The following ASIC2 variants were observed in gnomAD, a reference collection of about 807,000 sequenced individuals.
ASIC2 encodes the protein acid sensing ion channel subunit 2.
A neutral mutation model predicts 57.3 loss-of-function variants in ASIC2; 25 were observed. The ratio of observed to expected loss-of-function variants is 0.44; its 90% CI spans 0.32 to 0.61. The LOEUF (loss-of-function observed/expected upper bound fraction) is 0.61. Ranked by LOEUF, ASIC2 falls within the 20% of genes least tolerant of loss-of-function variation. The pLI is 0.06. For missense variants in ASIC2, 641 were observed against 738.1 expected (o/e 0.87, Z 1.52); for synonymous variants, 319 against 307.5 (o/e 1.04, Z -0.39).
At chr17:33,146,583 C>T (rs902567992) in intron 1 of ASIC2, among the ~76,000 whole-genome samples, 1 of 152,236 alleles carries the variant, frequency 6.6e-6, no homozygotes, top group African/African-American at 2.4e-5. Flanking sequence ...AGTTTGCTCA[C>T]AGCCAAACAG....
At chr17:34,001,898 G>A (rs1484980154) in intron 1 of ASIC2, 1 of 152,218 alleles carries the variant, frequency 6.6e-6, no homozygotes, top group Non-Finnish European at 1.5e-5. Context: ...GCAAGGATAT[G>A]AGTTCTGAAA....
Position 33,023,969 on chromosome 17 carries a change from G to A in ASIC2, c.1241C>T (p.Pro414Leu). The change falls in exon 6 of 10, where the codon CCC becomes CTC. Residue 414 changes from proline to leucine, a missense_variant. Pro to Leu is a moderately conservative substitution (Grantham distance 98). Transcript: ENST00000225823. ...KDSNYCLCRT[P>L]CNLTRYNKEL... ...TTTGTTGTAGCGGGTTAGGTTGCAGGGTGTCCTGCAGAGACAGTAATTGCT... is the reference window on the plus strand; with the variant it reads ...TTTGTTGTAGCGGGTTAGGTTGCAGAGTGTCCTGCAGAGACAGTAATTGCT... 1.2e-6 allele frequency: 2 copies of A among 1,614,204 alleles called. No individual in the cohort carries two copies. Among genetic ancestry groups the A allele is most frequent in the Non-Finnish European group, 1.7e-6 (2 of 1,180,050 alleles).
At chr17:34,155,034 G>A (rs1184488875) in intron 1 of ASIC2, among the ~76,000 whole-genome samples, 2 of 151,670 alleles carry the variant, frequency 1.3e-5, no homozygotes, top group African/African-American at 4.8e-5. Flanking sequence ...CATCCTGAAC[G>A]TAAGCCACAT....
intron 1 of ASIC2, among the ~76,000 whole-genome samples, chr17:33,229,434 G>A (rs1241420225): frequency 3.3e-5 from 5 of 152,204 alleles, no homozygotes; most frequent in Middle Eastern, 3.2e-3. Context: ...TGCCCTAGCC[G>A]ATGTCTGCAC....
chr17:33,365,557 T>C (rs1268233656), intron 1 of ASIC2, among the ~76,000 whole-genome samples: 1 of 152,184 alleles, frequency 6.6e-6, no homozygotes, highest in Non-Finnish European at 1.5e-5. Flanking sequence ...TGTTACACAC[T>C]GTGTTTGTCA....
chr17:33,813,820 T>C (rs1431687022), intron 1 of ASIC2, among the ~76,000 whole-genome samples: 2 of 152,192 alleles, frequency 1.3e-5, no homozygotes, highest in Non-Finnish European at 2.9e-5. Context: ...ATGCTTTACA[T>C]TTTTTTGTTT....
At chr17:33,097,177 G>C (rs1160589122) in intron 2 of ASIC2, among the ~76,000 whole-genome samples, 1 of 152,126 alleles carries the variant, frequency 6.6e-6, no homozygotes, top group East Asian at 1.9e-4. Context: ...TCATTGGTTT[G>C]GGTCCTTTGG....
chr17:33,739,844 GAAAA>G (rs780440871), intron 1 of ASIC2, among the ~76,000 whole-genome samples: 2 of 85,746 alleles, frequency 2.3e-5, no homozygotes, highest in South Asian at 6.9e-4. Context: ...GAAAGAGAAA[GAAAA>G]AAGAGAAAGA....
intron 1 of ASIC2, among the ~76,000 whole-genome samples, chr17:33,994,901 T>A (rs1906109028): frequency 6.6e-6 from 1 of 152,150 alleles, no homozygotes; most frequent in Admixed American, 6.5e-5. Flanking sequence ...AAACGGTGCT[T>A]CTTGAGATGA....
chr17:34,106,871 G>C (rs1449819768), intron 1 of ASIC2, among the ~76,000 whole-genome samples: 1 of 152,150 alleles, frequency 6.6e-6, no homozygotes, highest in Non-Finnish European at 1.5e-5. Flanking sequence ...AGAAATGGTA[G>C]TAGAGACAAA....
At chr17:33,512,406 T>A (rs1196945848) in intron 1 of ASIC2, among the ~76,000 whole-genome samples, 1 of 152,206 alleles carries the variant, frequency 6.6e-6, no homozygotes, top group Admixed American at 6.5e-5. Flanking sequence ...GCCTGTCCCT[T>A]AGCATCAGTT....
In ASIC2 at chr17:33,127,744, A is replaced by G. The variant is rs1054541555; in HGVS notation, c.709-15677T>C. Among the ~76,000 whole-genome samples the G allele has an allele frequency of 5.9e-5, 9 of 152,326 alleles. No homozygotes were observed. In the East Asian group the frequency reaches 1.3e-3, roughly 23 times the overall value. Reference sequence around the variant, plus strand: ...TGAGCTGCTCATCTCTTACCTGGTTAACTGCCACAGCCTCCTACAGAGTCT... The same window carrying G: ...TGAGCTGCTCATCTCTTACCTGGTTGACTGCCACAGCCTCCTACAGAGTCT... On this transcript the variant is annotated intron_variant, in intron 1 of 9. Transcript: ENST00000225823.
At chr17:33,754,961 A>C (rs1195082536) in intron 1 of ASIC2, among the ~76,000 whole-genome samples, 2 of 149,712 alleles carry the variant, frequency 1.3e-5, no homozygotes, top group Admixed American at 6.7e-5. Context: ...CCATCTCAAA[A>C]AAAAAAAAAA....
chr17:33,929,869 C>G (rs547458762), intron 1 of ASIC2, among the ~76,000 whole-genome samples: 117 of 152,304 alleles, frequency 7.7e-4, no homozygotes, highest in Non-Finnish European at 1.4e-3. Context: ...TTCACAATAT[C>G]AGAATTGAAA....
chr17:33,235,264 C>T (rs564193324), intron 1 of ASIC2, among the ~76,000 whole-genome samples: 1 of 152,156 alleles, frequency 6.6e-6, no homozygotes, highest in African/African-American at 2.4e-5. Flanking sequence ...TTCCCAGGAT[C>T]AGGTAGTCCA....
At chr17:33,797,244 G>T (rs953587054) in intron 1 of ASIC2, among the ~76,000 whole-genome samples, 2 of 152,206 alleles carry the variant, frequency 1.3e-5, no homozygotes, top group African/African-American at 4.8e-5. Context: ...GAAGAGGTTA[G>T]AAAGAGACAG....
upstream of ASIC2, among the ~76,000 whole-genome samples, chr17:33,298,262 C>G (rs935092393): frequency 1.3e-5 from 2 of 152,050 alleles, no homozygotes; most frequent in Admixed American, 6.5e-5. Context: ...CTATCCCTCC[C>G]CACTTCCCCC....
intron 1 of ASIC2, chr17:33,935,794 G>T (rs982506147): frequency 6.6e-6 from 1 of 151,992 alleles, no homozygotes; most frequent in Non-Finnish European, 1.5e-5. Context: ...TGCTTCTCTG[G>T]GACACAAAAA....
chr17:33,941,741 G>A (rs77893966), intron 1 of ASIC2, among the ~76,000 whole-genome samples: 6,295 of 152,282 alleles, frequency 0.041, 455 homozygotes, highest in African/African-American at 0.14. Flanking sequence ...GGAGGTCAAA[G>A]GGAGTTTGGG....
Sources: gnomAD v4.1 joint callset for allele counts (sites outside exome capture counted in the v4.1 genomes callset) on GRCh38, gnomAD v4.1.1 for gene constraint, MANE v1.5 for transcripts, NCBI Gene and HGNC (gene_info 2026-07-23, HGNC 2026-07-21) for gene names.